Variants in LRRC4C observed in about 807,000 individuals in gnomAD.
LRRC4C encodes leucine rich repeat containing 4C.
LRRC4C carries 5 observed loss-of-function variants against 33.6 expected under a neutral mutation model. The ratio of observed to expected loss-of-function variants is 0.15; its 90% CI spans 0.08 to 0.31. LRRC4C has a LOEUF of 0.31. Among genes scored for constraint, LRRC4C ranks in the 10% least tolerant of loss-of-function variants. The pLI is 1.00. For synonymous variants in LRRC4C, 329 were observed against 302.0 expected, an observed-to-expected ratio of 1.09 and a Z score of -0.93; for missense variants, 560 against 796.7, an observed-to-expected ratio of 0.70 and a Z score of 3.58.
intron 3 of LRRC4C, among the ~76,000 whole-genome samples, chr11:40,395,598 A>T (rs933871416): frequency 2.6e-5 from 4 of 152,158 alleles, no homozygotes; most frequent in Admixed American, 1.3e-4. Flanking sequence ...GATATCACTT[A>T]ACTTTTTTGA....
intron 3 of LRRC4C, among the ~76,000 whole-genome samples, chr11:40,382,606 A>G (rs930785500): frequency 1.3e-5 from 2 of 150,590 alleles, no homozygotes; most frequent in Non-Finnish European, 3.0e-5. Flanking sequence ...AGTATTAAGT[A>G]TAGCATTGCT....
At chr11:40,645,026 A>G (rs1009774300) in intron 3 of LRRC4C, among the ~76,000 whole-genome samples, 3 of 152,162 alleles carry the variant, frequency 2.0e-5, no homozygotes, top group African/African-American at 7.2e-5. Context: ...GTCATCAGCA[A>G]TATGACATCT....
chr11:41,406,417 T>G (rs1196037570), intron 1 of LRRC4C, among the ~76,000 whole-genome samples: 1 of 152,098 alleles, frequency 6.6e-6, no homozygotes, highest in African/African-American at 2.4e-5. Flanking sequence ...TATACAAAGT[T>G]GATTTTCAAT....
At chr11:40,288,366 C>T (rs535218940) in intron 4 of LRRC4C, among the ~76,000 whole-genome samples, 2 of 152,298 alleles carry the variant, frequency 1.3e-5, no homozygotes, top group East Asian at 1.9e-4. Flanking sequence ...GCAATATTCA[C>T]ACAGATTTCA....
Position 40,249,532 on chromosome 11 carries a change from A to G in LRRC4C, c.-175-7934T>C, listed in dbSNP as rs551398857. Among the ~76,000 whole-genome samples the G allele has an allele frequency of 3.4e-4, 51 of 150,202 alleles. 1 individual carries two copies. In the South Asian group the frequency reaches 0.011, roughly 31 times the overall value. On this transcript the variant is annotated intron_variant, in intron 4 of 6. Coordinates refer to ENST00000528697, the MANE Select transcript of LRRC4C (RefSeq NM_001258419.2). ...TTGGATATCAGAAAAAGAAAATTGT[A>G]TTTTTTGTATATTTAATAAATATTA... is the stretch of plus-strand genomic sequence containing the variant.
intron 2 of LRRC4C, among the ~76,000 whole-genome samples, chr11:40,862,198 T>C (rs985249950): frequency 6.6e-6 from 1 of 152,184 alleles, no homozygotes; most frequent in African/African-American, 2.4e-5. Context: ...ATTCACACTA[T>C]TCTATAGTAT....
chr11:40,243,597 T>C (rs756194137), intron 4 of LRRC4C, among the ~76,000 whole-genome samples: 7 of 152,118 alleles, frequency 4.6e-5, no homozygotes, highest in Non-Finnish European at 7.4e-5. Context: ...TTCCTATGTA[T>C]ATCACTTTTT....
chr11:41,335,236 G>A (rs923059608), intron 1 of LRRC4C, among the ~76,000 whole-genome samples: 8 of 152,132 alleles, frequency 5.3e-5, no homozygotes, highest in Admixed American at 5.2e-4. Context: ...AGTCAGACAT[G>A]GTCTCTGTCC....
intron 3 of LRRC4C, among the ~76,000 whole-genome samples, chr11:40,577,864 C>G (rs1958264821): frequency 8.2e-6 from 1 of 121,362 alleles, no homozygotes; most frequent in South Asian, 2.7e-4. Context: ...GAGACGGAGT[C>G]TCGCTCTGTC....
chr11:40,221,759 C>T (rs1461219482), intron 5 of LRRC4C, among the ~76,000 whole-genome samples: 2 of 152,096 alleles, frequency 1.3e-5, no homozygotes, highest in Non-Finnish European at 1.5e-5. Flanking sequence ...CTGTGAAAAT[C>T]CCTATCCTGT....
chr11:41,415,192 C>A (rs1365096567), intron 1 of LRRC4C, among the ~76,000 whole-genome samples: 2 of 151,996 alleles, frequency 1.3e-5, no homozygotes, highest in Non-Finnish European at 2.9e-5. Flanking sequence ...GCATTTAAAC[C>A]AAAAGTAAAT....
At chr11:40,595,360 A>AT (rs888502638) in intron 3 of LRRC4C, among the ~76,000 whole-genome samples, 7 of 152,062 alleles carry the variant, frequency 4.6e-5, no homozygotes, top group African/African-American at 1.7e-4. Flanking sequence ...TTCAATAGAG[A>AT]TTTTTGAACA....
intron 4 of LRRC4C, among the ~76,000 whole-genome samples, chr11:40,278,749 C>A (rs1278571261): frequency 6.6e-6 from 1 of 152,100 alleles, no homozygotes; most frequent in African/African-American, 2.4e-5. Context: ...TGAAACATAG[C>A]AACTTGTCCT....
intron 1 of LRRC4C, among the ~76,000 whole-genome samples, chr11:41,398,866 T>C (rs1039074257): frequency 2.6e-5 from 4 of 151,868 alleles, no homozygotes; most frequent in African/African-American, 9.7e-5. Flanking sequence ...ATAGGGAAGT[T>C]GTGTAGAAGG....
chr11:40,724,251 G>A (rs1366569571), intron 2 of LRRC4C, among the ~76,000 whole-genome samples: 1 of 152,160 alleles, frequency 6.6e-6, no homozygotes, highest in African/African-American at 2.4e-5. Flanking sequence ...CACTTGACCA[G>A]TTGGATCTAA....
intron 2 of LRRC4C, among the ~76,000 whole-genome samples, chr11:40,861,400 A>T (rs1954094943): frequency 6.6e-6 from 1 of 152,182 alleles, no homozygotes; most frequent in Non-Finnish European, 1.5e-5. Context: ...AAGAACAGGG[A>T]TGTGTGAAAT....
chr11:41,012,095 T>C lies in LRRC4C; in HGVS notation c.-495-78372A>G, dbSNP rs192759857. Among the ~76,000 whole-genome samples the C allele has an allele frequency of 3.9e-5, 6 of 152,150 alleles. No individual in the cohort carries two copies. The East Asian group carries it at 1.2e-3, about 29-fold the overall frequency. Reference sequence around the variant, plus strand: ...TTCTTTATGCTAGAAACATTCTAATTATTCTCTTCTACCTATTTTGAAATG... The same window carrying C: ...TTCTTTATGCTAGAAACATTCTAATCATTCTCTTCTACCTATTTTGAAATG... On this transcript the variant is annotated intron_variant, in intron 1 of 6. Transcript: ENST00000528697.
At chr11:40,877,369 A>G (rs577356595) in intron 2 of LRRC4C, among the ~76,000 whole-genome samples, 1 of 152,232 alleles carries the variant, frequency 6.6e-6, no homozygotes, top group East Asian at 1.9e-4. Context: ...TGCACATAAT[A>G]TATTTTCATT....
At chr11:41,451,617 G>A (rs751319138) in intron 1 of LRRC4C, among the ~76,000 whole-genome samples, 7 of 152,048 alleles carry the variant, frequency 4.6e-5, no homozygotes, top group Non-Finnish European at 8.8e-5. Context: ...ACAGGAAATA[G>A]CATCAACCAG....
Sources: gnomAD v4.1 joint callset for allele counts (sites outside exome capture counted in the v4.1 genomes callset) on GRCh38, gnomAD v4.1.1 for gene constraint, MANE v1.5 for transcripts, NCBI Gene and HGNC (gene_info 2026-07-23, HGNC 2026-07-21) for gene names.